The following ZMYM2 variants were observed in gnomAD, a reference collection of about 807,000 sequenced individuals.
ZMYM2 encodes zinc finger MYM-type containing 2.
Under a neutral mutation model 162.8 loss-of-function variants are expected in ZMYM2, and 56 were observed. The ratio of observed to expected loss-of-function variants is 0.34; its 90% confidence interval spans 0.28 to 0.43. ZMYM2 has a LOEUF of 0.43. Among genes scored for constraint, ZMYM2 ranks in the 20% least tolerant of loss-of-function variants. ZMYM2 has a pLI of 1.00. For missense variants in ZMYM2, 1,275 were observed against 1,621.8 expected (o/e 0.79, Z 3.67); for synonymous variants, 510 against 541.6 (o/e 0.94, Z 0.81).
At chr13:20,073,147 A>T (rs1267919424) in intron 21 of ZMYM2, among the ~76,000 whole-genome samples, 2 of 152,088 alleles carry the variant, frequency 1.3e-5, no homozygotes, top group Admixed American at 1.3e-4. Context: ...ACCTCAAGTG[A>T]TCCGCCTGCC....
rs1356458599 is a variant in ZMYM2, at chr13:20,031,411, A to C, written c.1944A>C (p.Ser648=). The C allele has an allele frequency of 1.2e-6, 2 of 1,605,526 alleles. No individual in the cohort carries two copies. Among genetic ancestry groups the C allele is most frequent in the Non-Finnish European group, 1.7e-6 (2 of 1,177,278 alleles). The part of the protein sequence containing the change: ...KCNYCKNSFC[S]KPEILEWENK... ...ACTACTGCAAAAATTCCTTTTGTTCAAAACCAGAAATCCTGGAATGGGAGG... is the reference window on the plus strand; with the variant it reads ...ACTACTGCAAAAATTCCTTTTGTTCCAAACCAGAAATCCTGGAATGGGAGG... The change falls in exon 10 of 25, where the codon TCA becomes TCC. Residue 648 remains serine (S), a synonymous_variant. Transcript: ENST00000610343.
intron 2 of ZMYM2, among the ~76,000 whole-genome samples, chr13:19,961,188 T>C (rs1193156486): frequency 6.6e-6 from 1 of 151,920 alleles, no homozygotes; most frequent in African/African-American, 2.4e-5. Flanking sequence ...TGAACCTCCA[T>C]GTACCCATCA....
At chr13:20,049,167 G>A (rs1315813710) in intron 12 of ZMYM2, among the ~76,000 whole-genome samples, 1 of 77,952 alleles carries the variant, frequency 1.3e-5, no homozygotes, top group Non-Finnish European at 2.6e-5. Flanking sequence ...TTAGTATTGA[G>A]TTCTCACTTA....
At chr13:20,027,402 A>G in intron 9 of ZMYM2, 84 bp downstream of exon 9, 1 of 1,038,776 alleles carries the variant, frequency 9.6e-7, no homozygotes, top group Non-Finnish European at 1.3e-6. Flanking sequence ...GCTTTATTTT[A>G]TCTTAATTTT....
intron 6 of ZMYM2, 65 bp from the exon 7 acceptor site, chr13:20,019,480 ATT>A (rs1202462351): frequency 3.0e-6 from 4 of 1,350,794 alleles, no homozygotes; most frequent in Non-Finnish European, 4.0e-6. Flanking sequence ...CATAATGCTT[ATT>A]TACCTTTCAA....
the ZMYM2 span, among the ~76,000 whole-genome samples, chr13:19,900,913 T>A: frequency 2.6e-5 from 4 of 152,052 alleles, no homozygotes; most frequent in African/African-American, 9.7e-5. Flanking sequence ...GCGCCTGTAG[T>A]CCCAGCTACT....
intron 7 of ZMYM2, among the ~76,000 whole-genome samples, chr13:20,021,793 A>G (rs1952129842): frequency 6.6e-6 from 1 of 152,166 alleles, no homozygotes; most frequent in Non-Finnish European, 1.5e-5. Flanking sequence ...TGCACAGATC[A>G]GTTTTCAGCC....
At chr13:20,019,103 C>CAAGGG (rs1951860151) in intron 6 of ZMYM2, among the ~76,000 whole-genome samples, 1 of 135,392 alleles carries the variant, frequency 7.4e-6, no homozygotes, top group African/African-American at 2.8e-5. Flanking sequence ...ACAACAACAA[C>CAAGGG]AACAAAAAAA....
intron 7 of ZMYM2, chr13:20,024,562 G>T (rs1414621625): frequency 4.5e-6 from 1 of 223,374 alleles, no homozygotes; most frequent in Non-Finnish European, 8.9e-6. Flanking sequence ...CAGTTGTCCC[G>T]AATATTTTAT....
chr13:20,052,617 A>G (rs1301479375), intron 14 of ZMYM2, among the ~76,000 whole-genome samples: 1 of 152,244 alleles, frequency 6.6e-6, no homozygotes, highest in Admixed American at 6.5e-5. Context: ...GTTTGAAATT[A>G]AGACAATGGC....
chr13:19,954,893 C>G (rs1156886137), upstream of ZMYM2, among the ~76,000 whole-genome samples: 1 of 151,908 alleles, frequency 6.6e-6, no homozygotes, highest in Non-Finnish European at 1.5e-5. Flanking sequence ...TCAATACAAC[C>G]TCTGCCTGCC....
chr13:20,033,736 A>G (rs1193113050), intron 10 of ZMYM2, among the ~76,000 whole-genome samples: 6 of 152,188 alleles, frequency 3.9e-5, no homozygotes, highest in African/African-American at 1.4e-4. Context: ...ATCATGTTCC[A>G]TTCAAGGGAA....
intron 17 of ZMYM2, among the ~76,000 whole-genome samples, chr13:20,061,696 C>T (rs1956248161): frequency 6.6e-6 from 1 of 151,944 alleles, no homozygotes; most frequent in Admixed American, 6.6e-5. Context: ...TCAAGCTATG[C>T]TTCTGCCTCA....
At position 20,000,029 on chromosome 13, in the gene ZMYM2, C is replaced by G. The variant is rs557103476; in HGVS notation, c.848-2821C>G. ...TGTTGCCCAGGCTGCTCTCAAACTG[C>G]TCAAGCAATCCACCTGCTTCAGACC... On this transcript the variant is annotated intron_variant, in intron 3 of 24. Transcript: ENST00000610343. 4.6e-5 allele frequency among the ~76,000 whole-genome samples: 7 copies of G among 152,260 alleles called. No individual in the cohort carries two copies. The South Asian group carries it at 1.2e-3, about 27-fold the overall frequency.
chr13:19,958,030 G>A (rs542532039), upstream of ZMYM2, among the ~76,000 whole-genome samples: 1 of 152,250 alleles, frequency 6.6e-6, no homozygotes, highest in African/African-American at 2.4e-5. Flanking sequence ...TCCCACAGTC[G>A]TTCCGACAAA....
At position 20,005,055 on chromosome 13, in the gene ZMYM2, T is replaced by C. The variant is rs751766370; in HGVS notation, c.1134-19T>C. 6.3e-7 allele frequency: 1 copy of C among 1,581,508 alleles called. No homozygotes were observed. The highest frequency in any genetic ancestry group is 8.6e-7 in the Non-Finnish European group (1 of 1,167,870). On this transcript the variant is annotated intron_variant, in intron 4 of 24. Coordinates refer to ENST00000610343, the MANE Select transcript of ZMYM2 (RefSeq NM_197968.4). ...TTTCTTTTAAAATGGAATTTTAATA[T>C]GTACCACTTATTTTTCAGAGATATA...
chr13:20,081,644 GAAA>G (rs531493980), intron 21 of ZMYM2, among the ~76,000 whole-genome samples: 13 of 150,374 alleles, frequency 8.6e-5, no homozygotes, highest in African/African-American at 2.4e-4. Context: ...TACTTTATAA[GAAA>G]AAAAACTAAA....
intron 2 of ZMYM2, among the ~76,000 whole-genome samples, chr13:19,980,777 GAATT>G (rs1957252649): frequency 9.1e-6 from 1 of 110,002 alleles, no homozygotes; most frequent in African/African-American, 3.7e-5. Flanking sequence ...AAAAAAAAAA[GAATT>G]TTCCTGTTCT....
chr13:20,079,165 A>G (rs568981391), intron 21 of ZMYM2, among the ~76,000 whole-genome samples: 2 of 151,700 alleles, frequency 1.3e-5, no homozygotes, highest in African/African-American at 4.8e-5. Flanking sequence ...CTAAAAATAC[A>G]AAAATTAGCC....
Sources: gnomAD v4.1 joint callset for allele counts (sites outside exome capture counted in the v4.1 genomes callset) on GRCh38, gnomAD v4.1.1 for gene constraint, MANE v1.5 for transcripts, NCBI Gene and HGNC (gene_info 2026-07-23, HGNC 2026-07-21) for gene names.